The following PHTF2 variants were observed in gnomAD, a reference collection of about 807,000 sequenced individuals.
PHTF2 encodes the protein protein PHTF2.
A neutral mutation model predicts 101.2 loss-of-function variants in PHTF2; 60 were observed. That is an observed-to-expected ratio of 0.59 (90% CI 0.48 to 0.73). The LOEUF (loss-of-function observed/expected upper bound fraction) is 0.73, where lower values mean the gene tolerates loss of function less well. PHTF2 is among the 30% of genes least tolerant of loss of function. The pLI, the probability that PHTF2 is intolerant of heterozygous loss-of-function variation, is 0.00. For missense variants in PHTF2, 747 were observed against 908.7 expected (o/e 0.82, Z 2.29); for synonymous variants, 311 against 307.3 (o/e 1.01, Z -0.13).
Position 77,936,128 on chromosome 7 carries a change from C to CT in PHTF2, c.1339-1573dup, listed in dbSNP as rs951309751. On this transcript the variant is annotated intron_variant, in intron 12 of 19. Transcript: ENST00000416283. ...TAGAAAAGATAAAAATTTCCCACCT[C>CT]TTTTTTTTTACATTATTGAATTATT... 1.1e-4 allele frequency among the ~76,000 whole-genome samples: 17 copies of CT among 151,116 alleles called. No homozygotes were observed. In the South Asian group the frequency reaches 2.5e-3, roughly 22 times the overall value.
intron 1 of PHTF2, among the ~76,000 whole-genome samples, chr7:77,820,276 G>A (rs143205108): frequency 2.0e-5 from 3 of 152,144 alleles, no homozygotes; most frequent in African/African-American, 7.2e-5. Context: ...ATCTTGGTAG[G>A]TGTTACGTGT....
exon 15 of PHTF2, chr7:77,940,646 G>A (rs1393718835): frequency 1.2e-6 from 2 of 1,602,498 alleles, no homozygotes; most frequent in Non-Finnish European, 1.7e-6. Flanking sequence ...CTATCTCTCC[G>A]TTCCTATCTT....
chr7:77,893,783 T>C (rs1800651723), intron 4 of PHTF2, 119 bp downstream of exon 3: 1 of 618,624 alleles, frequency 1.6e-6, no homozygotes, highest in African/African-American at 1.8e-5. Context: ...TATTGAAGCT[T>C]TTAAAGAAAG....
In PHTF2 at chr7:77,940,078, G is replaced by A. The variant is rs1023602678; in HGVS notation, c.1516G>A (p.Val506Ile). The change falls in exon 14 of 20, where the codon GTC (valine) becomes ATC (isoleucine). Residue 506 changes from valine (V) to isoleucine (I), a missense_variant. Physicochemically the swap from Val to Ile is conservative, Grantham distance 29. Around this residue, in one of 6 missense-constraint regions of PHTF2, gnomAD observed 349 missense variants for 369.7 expected, o/e 0.94. Coordinates refer to ENST00000416283, the Ensembl canonical transcript of PHTF2. The stretch of plus-strand genomic sequence containing the variant: ...AGGATACCAGATTTTTGGAAATGCA[G>A]TCTCTCTCATACTGGGTTTAACTCC... The A allele has an allele frequency of 1.7e-5, 28 of 1,613,288 alleles. No individual in the cohort carries two copies. The highest frequency in any genetic ancestry group is 4.5e-5 in the East Asian group (2 of 44,870).
At chr7:77,931,902 C>T (rs1427564073) in intron 12 of PHTF2, among the ~76,000 whole-genome samples, 2 of 152,162 alleles carry the variant, frequency 1.3e-5, no homozygotes, top group Admixed American at 6.5e-5. Flanking sequence ...ATGAAAAAGG[C>T]AAGCTGCCTT....
chr7:77,912,710 C>CTTTTT (rs536966733), intron 9 of PHTF2, among the ~76,000 whole-genome samples: 11 of 80,466 alleles, frequency 1.4e-4, no homozygotes, highest in East Asian at 7.0e-4. Context: ...AGAGAACCAC[C>CTTTTT]TTTTTTTTTT....
chr7:77,827,413 G>T (rs1794765049), intron 1 of PHTF2, among the ~76,000 whole-genome samples: 1 of 152,114 alleles, frequency 6.6e-6, no homozygotes, highest in African/African-American at 2.4e-5. Context: ...AGAGTGTGGT[G>T]GTGCAGTCTC....
chr7:77,827,333 A>G (rs1794759030), intron 1 of PHTF2, among the ~76,000 whole-genome samples: 1 of 152,066 alleles, frequency 6.6e-6, no homozygotes, highest in Admixed American at 6.6e-5. Context: ...ATTCGTGGAA[A>G]ATTAAATTAA....
At chr7:77,850,957 TA>T (rs1796713765) in intron 2 of PHTF2, among the ~76,000 whole-genome samples, 1 of 152,230 alleles carries the variant, frequency 6.6e-6, no homozygotes, top group South Asian at 2.1e-4. Context: ...CATGCATCCA[TA>T]GATAAATCCT....
intron 12 of PHTF2, among the ~76,000 whole-genome samples, chr7:77,933,493 G>A (rs906627218): frequency 2.6e-5 from 4 of 152,142 alleles, no homozygotes; most frequent in African/African-American, 9.7e-5. Context: ...GAGCAGTTCC[G>A]TATGGTGACA....
intron 1 of PHTF2, among the ~76,000 whole-genome samples, chr7:77,833,660 T>C (rs941132570): frequency 1.3e-5 from 2 of 152,112 alleles, no homozygotes; most frequent in Non-Finnish European, 2.9e-5. Flanking sequence ...GATATACTTC[T>C]CAGCAGGATG....
intron 11 of PHTF2, chr7:77,923,996 A>G (rs1803723807): frequency 2.2e-6 from 2 of 895,024 alleles, no homozygotes. Flanking sequence ...TTAATGATAT[A>G]AGAAATTACA....
intron 1 of PHTF2, among the ~76,000 whole-genome samples, chr7:77,799,673 A>G (rs544427632): frequency 6.6e-6 from 1 of 152,310 alleles, no homozygotes; most frequent in South Asian, 2.1e-4. Context: ...CCTTCGAGTC[A>G]TGGCTTTCTA....
chr7:77,858,716 G>A (rs1012885261), intron 3 of PHTF2, among the ~76,000 whole-genome samples: 3 of 151,412 alleles, frequency 2.0e-5, no homozygotes, highest in Non-Finnish European at 2.9e-5. Flanking sequence ...AACAATGACA[G>A]GAATGATGAT....
intron 13 of PHTF2, among the ~76,000 whole-genome samples, chr7:77,939,648 G>A (rs1028887963): frequency 6.0e-5 from 9 of 150,624 alleles, no homozygotes; most frequent in East Asian, 5.9e-4. Flanking sequence ...ATGTACAAAC[G>A]TATGAAATAA....
intron 2 of PHTF2, among the ~76,000 whole-genome samples, chr7:77,851,237 G>T (rs1405656596): frequency 6.6e-6 from 1 of 152,068 alleles, no homozygotes; most frequent in Non-Finnish European, 1.5e-5. Context: ...TTGGGTCCTG[G>T]GCTTTTCTTT....
intron 18 of PHTF2, among the ~76,000 whole-genome samples, chr7:77,953,258 T>G (rs1361706161): frequency 1.3e-5 from 2 of 152,226 alleles, no homozygotes; most frequent in Non-Finnish European, 2.9e-5. Flanking sequence ...GTAAGGTCCT[T>G]CAGTTCAGGG....
chr7:77,848,975 T>G (rs1349886495), intron 2 of PHTF2, among the ~76,000 whole-genome samples: 1 of 152,180 alleles, frequency 6.6e-6, no homozygotes, highest in Non-Finnish European at 1.5e-5. Flanking sequence ...TTTCACCATT[T>G]GTTGAAGAGA....
intron 1 of PHTF2, among the ~76,000 whole-genome samples, chr7:77,836,002 C>T (rs1208764021): frequency 6.6e-6 from 1 of 151,160 alleles, no homozygotes; most frequent in Non-Finnish European, 1.5e-5. Flanking sequence ...CCTGTATTCC[C>T]AGCTACTCGG....
Sources: gnomAD v4.1 joint callset for allele counts (sites outside exome capture counted in the v4.1 genomes callset) on GRCh38, gnomAD v4.1.1 for gene constraint, gnomAD v4.1.1 regional missense constraint, MANE v1.5 for transcripts, NCBI Gene and HGNC (gene_info 2026-07-23, HGNC 2026-07-21) for gene names.